The following OXNAD1 variants were observed in gnomAD, a reference collection of about 807,000 sequenced individuals.
OXNAD1 encodes the protein oxidoreductase NAD-binding domain-containing protein 1.
In OXNAD1, 34 loss-of-function variants were observed where a neutral mutation model predicts 32.9. The ratio of observed to expected loss-of-function variants is 1.03; its 90% CI spans 0.79 to 1.38. OXNAD1 has a LOEUF of 1.38. Among genes scored for constraint, OXNAD1 ranks in the 40% most tolerant of loss-of-function variants. The pLI is 0.00. For missense variants in OXNAD1, 407 were observed against 379.4 expected, an observed-to-expected ratio of 1.07 and a Z score of -0.60; for synonymous variants, 134 against 135.2, an observed-to-expected ratio of 0.99 and a Z score of 0.06.
chr3:16,289,450 A>C lies in OXNAD1; in HGVS notation c.290+3002A>C, dbSNP rs573438362. On this transcript the variant is annotated intron_variant, in intron 5 of 8. Coordinates refer to ENST00000285083, the MANE Select transcript of OXNAD1 (RefSeq NM_138381.5). The surrounding 1 kb of genome is among the most constrained non-coding windows in gnomAD (Gnocchi z 4.9). ...CTGGTCCTAGTGTGTCTGACTTTCT[A>C]CAAGATAACATAAGTTTAGATGCTA... Among the ~76,000 whole-genome samples the C allele has an allele frequency of 6.6e-6, 1 of 152,184 alleles. No individual in the cohort carries two copies. The highest frequency in any genetic ancestry group is 1.5e-5 in the Non-Finnish European group (1 of 68,018).
chr3:16,266,149 T>C (rs1350643777), intron 1 of OXNAD1, among the ~76,000 whole-genome samples: 1 of 152,204 alleles, frequency 6.6e-6, no homozygotes, highest in Non-Finnish European at 1.5e-5. Context: ...ATATTTACAT[T>C]CTTTGGGCCT....
At position 16,265,296 on chromosome 3, in the gene OXNAD1, C is replaced by T. The variant is rs2064411101; in HGVS notation, c.-368C>T. The T allele has an allele frequency of 2.5e-5, 5 of 197,646 alleles. No individual in the cohort carries two copies. The South Asian group carries it at 3.8e-4, about 15-fold the overall frequency. 12.2% of individuals were successfully genotyped at this position (197,646 alleles called of 1,614,324 possible). ...AAGTTTCCCTGCTTCTTATCGTCTGCTTTAACGCCTTAAATAGCCCGCTGA... is the reference window on the plus strand; with the variant it reads ...AAGTTTCCCTGCTTCTTATCGTCTGTTTTAACGCCTTAAATAGCCCGCTGA... On this transcript the variant is annotated 5_prime_UTR_variant, in exon 1 of 9. Transcript: ENST00000285083. This position sits in a 1 kb window ranked among gnomAD's most constrained non-coding sequence, Gnocchi z 4.8.
chr3:16,276,144 A>T (rs1034026979), intron 4 of OXNAD1: 4 of 183,576 alleles, frequency 2.2e-5, no homozygotes, highest in African/African-American at 4.8e-5. Context: ...AAAAGAAAAG[A>T]GTTAACAAGT....
chr3:16,309,249 G>A, downstream of OXNAD1, among the ~76,000 whole-genome samples: 1 of 152,104 alleles, frequency 6.6e-6, no homozygotes. Flanking sequence ...AAGCAATATT[G>A]CAGTAAACCT....
chr3:16,323,524 G>A, intron 9 of OXNAD1: 1 of 1,130,386 alleles, frequency 8.8e-7, no homozygotes, highest in East Asian at 2.3e-5. Flanking sequence ...TGACACAGAT[G>A]TTGCCATCCC....
chr3:16,328,111 T>C (rs2069915471), intron 9 of OXNAD1, among the ~76,000 whole-genome samples: 1 of 152,224 alleles, frequency 6.6e-6, no homozygotes, highest in Non-Finnish European at 1.5e-5. Flanking sequence ...GTTCACAGGC[T>C]AGCAGGGGCA....
intron 1 of OXNAD1, among the ~76,000 whole-genome samples, chr3:16,266,646 T>C (rs2064535990): frequency 6.8e-6 from 1 of 147,374 alleles, no homozygotes; most frequent in African/African-American, 2.5e-5. Context: ...CATAATTGTA[T>C]AATGCAAACT....
intron 9 of OXNAD1, among the ~76,000 whole-genome samples, chr3:16,331,845 C>T (rs546009023): frequency 3.7e-4 from 57 of 152,270 alleles, no homozygotes; most frequent in African/African-American, 1.2e-3. Context: ...CATCTGAATC[C>T]GTGCATTTCT....
At chr3:16,337,756 AAG>A (rs1415969558), downstream of OXNAD1, among the ~76,000 whole-genome samples, 2 of 147,734 alleles carry the variant, frequency 1.4e-5, no homozygotes, top group African/African-American at 5.1e-5. This position sits in a 1 kb window ranked among gnomAD's most constrained non-coding sequence, Gnocchi z 5.0. Context: ...AAAAAAAAAA[AAG>A]AAAAGAAAGT....
rs2068217143 is a variant in OXNAD1 at position 16,314,743 on chromosome 3, CAATT to C, written c.*30+11160_*30+11163del. 2 of 152,136 alleles carry C rather than the reference CAATT, an allele frequency of 1.3e-5. No homozygotes were observed. The highest frequency in any genetic ancestry group is 2.1e-4 in the South Asian group (1 of 4,824). 9.4% of individuals were successfully genotyped at this position (152,136 alleles called of 1,614,324 possible). A position where few individuals can be genotyped will look rare whatever the true frequency, so the allele number is the denominator to read the frequency against. ...TAGCAAATACAGCCAACATAAATGT[CAATT>C]AATTAATTGAAAAATGTACCCAAAG... On this transcript the variant is annotated intron_variant, in intron 9 of 9. Coordinates refer to the OXNAD1 transcript ENST00000435829. The surrounding 1 kb of genome is among the most constrained non-coding windows in gnomAD (Gnocchi z 4.4).
At position 16,298,457 on chromosome 3, in the gene OXNAD1, T is replaced by C. The variant is rs1394532927; in HGVS notation, c.433-3169T>C. 6.6e-6 allele frequency among the ~76,000 whole-genome samples: 1 copy of C among 152,106 alleles called. No individual in the cohort carries two copies. The highest frequency in any genetic ancestry group is 1.9e-4 in the East Asian group (1 of 5,200). Reference sequence around the variant, plus strand: ...ACTTATTCTTACAGGCTGTAGAAAATCTCAAAGTGTTATTGCCTGAATGCA... The same window carrying C: ...ACTTATTCTTACAGGCTGTAGAAAACCTCAAAGTGTTATTGCCTGAATGCA... On this transcript the variant is annotated intron_variant, in intron 6 of 8. Transcript: ENST00000285083. This position sits in a 1 kb window ranked among gnomAD's most constrained non-coding sequence, Gnocchi z 5.1.
At chr3:16,269,346 C>G in intron 2 of OXNAD1, 71 bp downstream of exon 2, 1 of 1,489,746 alleles carries the variant, frequency 6.7e-7, no homozygotes, top group African/African-American at 1.4e-5. Flanking sequence ...TGGAGAAAAA[C>G]TACGTTTAGT....
In OXNAD1 at chr3:16,297,114, T is replaced by C. The variant is rs1469596163; in HGVS notation, c.432+2117T>C. Among the ~76,000 whole-genome samples the C allele has an allele frequency of 6.6e-6, 1 of 152,170 alleles. No homozygotes were observed. Among genetic ancestry groups the C allele is most frequent in the African/African-American group, 2.4e-5 (1 of 41,444 alleles). On this transcript the variant is annotated intron_variant, in intron 6 of 8. Transcript: ENST00000285083. This position sits in a 1 kb window ranked among gnomAD's most constrained non-coding sequence, Gnocchi z 4.3. ...TAACAAAGGGCTTGAATCTAGAATA[T>C]ATAAAGAAATCTCAAAAGTCAACAA...
At position 16,301,183 on chromosome 3, in the gene OXNAD1, C is replaced by G. The variant is rs1417239845; in HGVS notation, c.433-443C>G. ...AAGGAGCACCAGTACTTACACTTTT[C>G]AGCCTTGATGAACCCAGGGCAGGCA... is the stretch of plus-strand genomic sequence containing the variant. On this transcript the variant is annotated intron_variant, in intron 6 of 8. Coordinates refer to ENST00000285083, the MANE Select transcript of OXNAD1 (RefSeq NM_138381.5). The surrounding 1 kb of genome is among the most constrained non-coding windows in gnomAD (Gnocchi z 4.1). 2.0e-5 allele frequency among the ~76,000 whole-genome samples: 3 copies of G among 152,236 alleles called. No homozygotes were observed. Among genetic ancestry groups the G allele is most frequent in the African/African-American group, 7.2e-5 (3 of 41,460 alleles).
rs1347982820 is a variant in OXNAD1, at chr3:16,335,870, G to A, written c.*31-1242G>A. On this transcript the variant is annotated intron_variant, in intron 9 of 9. Transcript: ENST00000435829. The surrounding 1 kb of genome is among the most constrained non-coding windows in gnomAD (Gnocchi z 4.7). ...CCTGGAAACTGGATGGATGGATGGT[G>A]AGGTCTCAGGAGGCCACAGGCAGGA... 1.3e-5 allele frequency among the ~76,000 whole-genome samples: 2 copies of A among 152,166 alleles called. No individual in the cohort carries two copies. The highest frequency in any genetic ancestry group is 4.8e-5 in the African/African-American group (2 of 41,430).
downstream of OXNAD1, among the ~76,000 whole-genome samples, chr3:16,340,597 C>T (rs1373069915): frequency 6.6e-6 from 1 of 152,234 alleles, no homozygotes; most frequent in Non-Finnish European, 1.5e-5. Flanking sequence ...CTGATAGAGA[C>T]TGAAAAACAA....
Position 16,301,681 on chromosome 3 carries a change from C to T in OXNAD1, c.488C>T (p.Pro163Leu), listed in dbSNP as rs1397418643. Residue 163 changes from proline (P) to leucine (L), a missense_variant, in exon 7 of 9, where the codon CCT becomes CTT. By Grantham distance (98) the Pro-to-Leu change is moderately conservative (BLOSUM62 -3). Coordinates refer to ENST00000285083, the MANE Select transcript of OXNAD1 (RefSeq NM_138381.5). This position sits in a 1 kb window ranked among gnomAD's most constrained non-coding sequence, Gnocchi z 4.1. ...VRVGGEFFFD[P>L]QPADASRNLV... The stretch of plus-strand genomic sequence containing the variant: ...GTGGGTGGAGAGTTCTTCTTTGACC[C>T]TCAGCCTGCGGATGCCTCTAGAAAC... The T allele has an allele frequency of 1.2e-6, 2 of 1,613,788 alleles. No homozygotes were observed. The highest frequency in any genetic ancestry group is 1.1e-5 in the South Asian group (1 of 91,076).
At position 16,299,195 on chromosome 3, in the gene OXNAD1, T is replaced by C. The variant is rs778436299; in HGVS notation, c.433-2431T>C. On this transcript the variant is annotated intron_variant, in intron 6 of 8. Coordinates refer to ENST00000285083, the MANE Select transcript of OXNAD1 (RefSeq NM_138381.5). This position sits in a 1 kb window ranked among gnomAD's most constrained non-coding sequence, Gnocchi z 4.4. ...ATTATTTCAGTCTCTTTCACTCTGA[T>C]TCTTATAGATAAAGAGAGAACTGCA... Among the ~76,000 whole-genome samples, 9 of 152,216 alleles carry C rather than the reference T, an allele frequency of 5.9e-5. No homozygotes were observed. Among genetic ancestry groups the C allele is most frequent in the Non-Finnish European group, 5.9e-5 (4 of 68,032 alleles).
intron 4 of OXNAD1, chr3:16,272,210 T>C (rs1277090168): frequency 2.2e-6 from 1 of 445,294 alleles, no homozygotes; most frequent in Non-Finnish European, 4.5e-6. Flanking sequence ...GAGCTCTTGT[T>C]ACCCTTCTAA....
Sources: gnomAD v4.1 joint callset for allele counts (sites outside exome capture counted in the v4.1 genomes callset) on GRCh38, gnomAD v4.1.1 for gene constraint, Gnocchi (gnomAD v3.1) non-coding constraint, MANE v1.5 for transcripts, NCBI Gene and HGNC (gene_info 2026-07-23, HGNC 2026-07-21) for gene names.